The following KIAA0586 variants were observed in gnomAD, a reference collection of about 807,000 sequenced individuals.
The protein encoded by KIAA0586 is protein TALPID3.
Under a neutral mutation model 169.8 loss-of-function variants are expected in KIAA0586, and 144 were observed. The observed-to-expected ratio is 0.85, with a 90% CI of 0.74 to 0.97. The LOEUF is 0.97. KIAA0586 is among the 50% of genes least tolerant of loss of function. The pLI, the probability that KIAA0586 is intolerant of heterozygous loss-of-function variation, is 0.00. For missense variants in KIAA0586, 1,854 were observed against 1,823.0 expected (o/e 1.02, Z -0.31); for synonymous variants, 625 against 612.4 (o/e 1.02, Z -0.30).
Position 58,458,563 on chromosome 14 carries a change from A to G in KIAA0586, c.1656+18A>G. On this transcript the variant is annotated intron_variant, in intron 12 of 30. Coordinates refer to ENST00000652326, the MANE Select transcript of KIAA0586 (RefSeq NM_001329943.3). Reference sequence around the variant, plus strand: ...AAATTCAGGTATGTCTTGGAAAAAAACTGAAAATTAAGTGAATTCTCAGAA... The same window carrying G: ...AAATTCAGGTATGTCTTGGAAAAAAGCTGAAAATTAAGTGAATTCTCAGAA... 7.1e-7 allele frequency: 1 copy of G among 1,405,244 alleles called. No homozygotes were observed. Among genetic ancestry groups the G allele is most frequent in the Non-Finnish European group, 9.7e-7 (1 of 1,027,776 alleles). The allele number at this position is 1,405,244 out of a possible 1,614,324, so 87.0% of individuals were successfully genotyped here.
chr14:58,484,902 A>T (rs11624530), intron 21 of KIAA0586, among the ~76,000 whole-genome samples: 20 of 12,466 alleles, frequency 1.6e-3, no homozygotes, highest in Admixed American at 3.9e-3. Flanking sequence ...ATATATATAT[A>T]TATATATATA....
intron 15 of KIAA0586, 83 bp downstream of exon 15, chr14:58,466,112 C>A: frequency 9.4e-7 from 1 of 1,061,184 alleles, no homozygotes; most frequent in Non-Finnish European, 1.4e-6. Context: ...GACGGGGTTT[C>A]ACTGTGTGGC....
chr14:58,547,042 A>G (rs1280610251), intron 30 of KIAA0586, among the ~76,000 whole-genome samples: 1 of 152,152 alleles, frequency 6.6e-6, no homozygotes, highest in Non-Finnish European at 1.5e-5. Flanking sequence ...ATCATTATTA[A>G]TGACATGCTC....
chr14:58,461,075 T>C lies in KIAA0586; in HGVS notation c.1974T>C (p.Thr658=), dbSNP rs1454820937. ...GKPVYQGHRS[T]LKKGPYLRFN... ...CAGTTTATCAGGGCCATCGAAGCAC[T>C]CTTAAAAAAGGACCATATCTCAGAT... Residue 658 remains threonine, a synonymous_variant, in exon 14 of 31, where the codon ACT becomes ACC. Transcript: ENST00000652326. 1 of 1,612,332 alleles carries C rather than the reference T, an allele frequency of 6.2e-7. No individual in the cohort carries two copies. The highest frequency in any genetic ancestry group is 1.3e-5 in the African/African-American group (1 of 74,960).
the KIAA0586 span, among the ~76,000 whole-genome samples, chr14:58,556,791 G>C: frequency 2.0e-4 from 31 of 152,148 alleles, no homozygotes; most frequent in Non-Finnish European, 4.0e-4. Flanking sequence ...TGTTGTCCAG[G>C]CTGGAGTGCA....
chr14:58,449,858 A>G (rs1251960793), intron 7 of KIAA0586, among the ~76,000 whole-genome samples: 7 of 152,222 alleles, frequency 4.6e-5, no homozygotes, highest in Admixed American at 4.6e-4. Flanking sequence ...TTGTATATAT[A>G]AATTACAGTA....
the KIAA0586 span, among the ~76,000 whole-genome samples, chr14:58,559,310 T>C: frequency 6.6e-6 from 1 of 152,202 alleles, no homozygotes; most frequent in African/African-American, 2.4e-5. Flanking sequence ...TTCTGGGAGC[T>C]CTGGATACTT....
chr14:58,472,547 C>T (rs951286463), intron 18 of KIAA0586, among the ~76,000 whole-genome samples: 17 of 151,794 alleles, frequency 1.1e-4, no homozygotes, highest in Non-Finnish European at 2.1e-4. Flanking sequence ...TCTTTCTTTC[C>T]ACTTCCTTTG....
At chr14:58,440,306 TCCTC>T (rs757194688) in intron 4 of KIAA0586, 37 of 352,018 alleles carry the variant, frequency 1.1e-4, no homozygotes, top group East Asian at 2.2e-4. Flanking sequence ...CTCTCTCTCT[TCCTC>T]CCTCCCTCCC....
intron 22 of KIAA0586, 113 bp from the exon 23 acceptor site, chr14:58,487,774 C>T: frequency 1.6e-6 from 1 of 631,160 alleles, no homozygotes. Flanking sequence ...TTATAATTGC[C>T]ATTATTTGTG....
chr14:58,511,910 A>G (rs1346592889), intron 28 of KIAA0586, among the ~76,000 whole-genome samples: 1 of 152,188 alleles, frequency 6.6e-6, no homozygotes, highest in Non-Finnish European at 1.5e-5. Context: ...AAGAGAAGAA[A>G]GAAAATCACA....
At chr14:58,477,053 T>C in intron 19 of KIAA0586, 70 bp from the exon 20 acceptor site, 1 of 767,286 alleles carries the variant, frequency 1.3e-6, no homozygotes, top group Admixed American at 2.2e-5. Context: ...AGGGGTGGTA[T>C]GTCTAACATT....
chr14:58,512,083 T>A (rs2044428428), intron 28 of KIAA0586, among the ~76,000 whole-genome samples: 1 of 152,184 alleles, frequency 6.6e-6, no homozygotes, highest in South Asian at 2.1e-4. Flanking sequence ...TAAATGATGT[T>A]ACTATATATA....
chr14:58,484,355 A>T (rs1259087241), intron 21 of KIAA0586, among the ~76,000 whole-genome samples: 3 of 152,170 alleles, frequency 2.0e-5, no homozygotes, highest in East Asian at 3.8e-4. Context: ...CTTAAGTTCC[A>T]TAAAAAATAT....
intron 14 of KIAA0586, 27 bp from the exon 15 acceptor site, chr14:58,465,808 A>G: frequency 7.2e-7 from 1 of 1,381,936 alleles, no homozygotes; most frequent in Non-Finnish European, 1.0e-6. Flanking sequence ...AATATTTTAA[A>G]ATATCTGCCA....
chr14:58,489,965 A>C (rs2042729309), intron 24 of KIAA0586, among the ~76,000 whole-genome samples, 199 bp from the exon 25 acceptor site: 1 of 152,198 alleles, frequency 6.6e-6, no homozygotes, highest in Non-Finnish European at 1.5e-5. Flanking sequence ...AGGTTAAACA[A>C]AATTCTCATC....
the KIAA0586 span, among the ~76,000 whole-genome samples, chr14:58,560,341 T>C: frequency 6.6e-6 from 1 of 152,186 alleles, no homozygotes; most frequent in Non-Finnish European, 1.5e-5. Flanking sequence ...GGTGAGATCA[T>C]TCACATGGTA....
chr14:58,538,731 C>G (rs1412578284), intron 29 of KIAA0586, among the ~76,000 whole-genome samples: 1 of 151,606 alleles, frequency 6.6e-6, no homozygotes, highest in East Asian at 1.9e-4. Flanking sequence ...GCTCTCACTA[C>G]CATTCCCAGC....
rs768448970 is a variant in KIAA0586, at chr14:58,496,744, TA to T, written c.3991-2031del. ...CAGTGATTTCTTCATATAGTCTAGT[TA>T]AAAAAAACACTTGTTGGTTGAAATT... On this transcript the variant is annotated intron_variant, in intron 26 of 30. Transcript: ENST00000652326. Among the ~76,000 whole-genome samples the T allele has an allele frequency of 1.0e-3, 158 of 151,948 alleles. 1 individual carries two copies. Among genetic ancestry groups the T allele is most frequent in the African/African-American group, 3.0e-3 (126 of 41,474 alleles).
Sources: allele counts gnomAD v4.1 joint callset (sites outside exome capture counted in the v4.1 genomes callset), GRCh38; gene constraint gnomAD v4.1.1; transcripts MANE v1.5; gene names NCBI Gene and HGNC (gene_info 2026-07-23, HGNC 2026-07-21).